PRKDC: variants seen among roughly 807,000 people sequenced by gnomAD.
PRKDC encodes the protein protein kinase, DNA-activated, catalytic subunit, also known as DNA-dependent protein kinase catalytic subunit.
In PRKDC, 82 loss-of-function variants were observed where a neutral mutation model predicts 486.9. The observed-to-expected ratio is 0.17, with a 90% confidence interval of 0.14 to 0.20. The LOEUF (loss-of-function observed/expected upper bound fraction) is 0.20. Among genes scored for constraint, PRKDC ranks in the 10% least tolerant of loss-of-function variants. The probability of loss-of-function intolerance (pLI) is 1.00; values close to 1 mark genes in which losing one functional copy is unlikely to be tolerated. For synonymous variants in PRKDC, 1,895 were observed against 1,837.0 expected (o/e 1.03, Z -0.81); for missense variants, 4,504 against 5,038.2 (o/e 0.89, Z 3.21).
At chr8:47,854,608 G>A (rs759130627) in intron 50 of PRKDC, among the ~76,000 whole-genome samples, 127 of 152,178 alleles carry the variant, frequency 8.3e-4, no homozygotes, top group Non-Finnish European at 6.2e-4. Context: ...CCAAAGAGCC[G>A]GGATTAAGGC....
Position 47,773,376 on chromosome 8 carries a change from CT to C in PRKDC, c.*796del, listed in dbSNP as rs1472226064. The C allele has an allele frequency of 4.6e-6, 1 of 216,224 alleles. No individual in the cohort carries two copies. The highest frequency in any genetic ancestry group is 2.3e-5 in the African/African-American group (1 of 44,330). The allele number at this position is 216,224 out of a possible 1,614,324, so 13.4% of individuals were successfully genotyped here. A position where few individuals can be genotyped will look rare whatever the true frequency, so the allele number is the denominator to read the frequency against. On this transcript the variant is annotated 3_prime_UTR_variant, in exon 86 of 86. Coordinates refer to ENST00000314191, the MANE Select transcript of PRKDC (RefSeq NM_006904.7). Reference sequence around the variant, plus strand: ...AGGAATTCATTTCAAATAGGAATTTCTTTTATTCTCCTGGAACTGAAATGCT... The same window carrying C: ...AGGAATTCATTTCAAATAGGAATTTCTTTATTCTCCTGGAACTGAAATGCT...
chr8:47,880,385 T>C (rs1377798483), intron 38 of PRKDC, among the ~76,000 whole-genome samples: 1 of 152,200 alleles, frequency 6.6e-6, no homozygotes, highest in Non-Finnish European at 1.5e-5. Context: ...TAACAAGAAC[T>C]AGGAGTTGAC....
chr8:47,857,897 G>C (rs1200550605), intron 48 of PRKDC, among the ~76,000 whole-genome samples: 1 of 152,116 alleles, frequency 6.6e-6, no homozygotes, highest in Non-Finnish European at 1.5e-5. Context: ...GGTGCTCAAT[G>C]AATGAGCCCA....
rs1216678119 is a variant in PRKDC at position 47,922,016 on chromosome 8, C to A, written c.2420-3633G>T. On this transcript the variant is annotated intron_variant, in intron 21 of 85. Coordinates refer to ENST00000314191, the MANE Select transcript of PRKDC (RefSeq NM_006904.7). ...GGTTGGTCTCGAACTCATGACTTCA[C>A]GTGATCTGCCTACCTCGGCCTCCCT... Among the ~76,000 whole-genome samples, 4 of 152,142 alleles carry A rather than the reference C, an allele frequency of 2.6e-5. 1 individual carries two copies. The East Asian group carries it at 7.7e-4, about 29-fold the overall frequency.
Position 47,774,045 on chromosome 8 carries a change from G to T in PRKDC, c.*128C>A. ...TAATCTTGATTTAAACTCATGCTAC[G>T]AAACTGTAGCACAAAAGACATTTCT... On this transcript the variant is annotated 3_prime_UTR_variant, in exon 86 of 86. Coordinates refer to ENST00000314191, the MANE Select transcript of PRKDC (RefSeq NM_006904.7). 1.1e-6 allele frequency: 1 copy of T among 940,960 alleles called. No homozygotes were observed. The highest frequency in any genetic ancestry group is 1.5e-6 in the Non-Finnish European group (1 of 649,424). 58.3% of individuals were successfully genotyped at this position (940,960 alleles called of 1,614,324 possible).
At chr8:47,791,367 C>T (rs1380694718) in intron 74 of PRKDC, among the ~76,000 whole-genome samples, 1 of 152,048 alleles carries the variant, frequency 6.6e-6, no homozygotes, top group African/African-American at 2.4e-5. Context: ...CCCAGCTACT[C>T]AGGAGGCTGA....
At chr8:47,781,585 A>C (rs1047955078) in intron 80 of PRKDC, among the ~76,000 whole-genome samples, 2 of 152,256 alleles carry the variant, frequency 1.3e-5, no homozygotes, top group African/African-American at 4.8e-5. Context: ...TTACAAAAAC[A>C]AAAAGGAAAT....
At chr8:47,791,199 G>T (rs190477612) in intron 74 of PRKDC, among the ~76,000 whole-genome samples, 18 of 152,150 alleles carry the variant, frequency 1.2e-4, no homozygotes, top group Non-Finnish European at 2.4e-4. Flanking sequence ...AAATATGGCC[G>T]GGCGCAGTGG....
chr8:47,885,896 A>C (rs539577936), intron 36 of PRKDC, 48 bp downstream of exon 36: 415 of 1,570,778 alleles, frequency 2.6e-4, no homozygotes, highest in Middle Eastern at 2.6e-3. Flanking sequence ...TGTCTCAAAC[A>C]AACAAACAAA....
Position 47,920,333 on chromosome 8 carries a change from C to T in PRKDC, c.2420-1950G>A, listed in dbSNP as rs193295142. Among the ~76,000 whole-genome samples the T allele has an allele frequency of 2.6e-3, 395 of 152,252 alleles. 3 individuals carry two copies. The highest frequency in any genetic ancestry group is 4.9e-3 in the Admixed American group (75 of 15,294). ...ATCTCCTGGTTTTTGGCTCAAATTG[C>T]AGAACTGAAACTATTTACTAAGCTC... On this transcript the variant is annotated intron_variant, in intron 21 of 85. Coordinates refer to ENST00000314191, the MANE Select transcript of PRKDC (RefSeq NM_006904.7).
chr8:47,943,774 CA>C lies in PRKDC; in HGVS notation c.808+78del, dbSNP rs530545471. 3.1e-4 allele frequency: 395 copies of C among 1,266,456 alleles called. No individual in the cohort carries two copies. The African/African-American group carries it at 5.4e-3, about 17-fold the overall frequency. 78.5% of individuals were successfully genotyped at this position (1,266,456 alleles called of 1,614,324 possible). ...AGATGTTATCACATTTGCTTTCATT[CA>C]AAGTTTAAGCAAAAGCTTACTTGAG... is the stretch of plus-strand genomic sequence containing the variant. On this transcript the variant is annotated intron_variant, in intron 9 of 85. Coordinates refer to ENST00000314191, the MANE Select transcript of PRKDC (RefSeq NM_006904.7).
In PRKDC at chr8:47,929,904, G is replaced by A. The variant is rs763151035; in HGVS notation, c.2001C>T (p.Tyr667=). 44 of 1,606,660 alleles carry A rather than the reference G, an allele frequency of 2.7e-5. No individual in the cohort carries two copies. Among genetic ancestry groups the A allele is most frequent in the Non-Finnish European group, 3.1e-5 (37 of 1,178,126 alleles). The stretch of plus-strand genomic sequence containing the variant: ...TTCTTACTGTAATAGAAAGCAATTT[G>A]TAGAAACCACTGATGAGGGGCAACC... ...STRLPLISGF[Y]KLLSITVRNA... The change falls in exon 18 of 86, where the codon TAC becomes TAT. Residue 667 remains tyrosine, a synonymous_variant. Coordinates refer to ENST00000314191, the MANE Select transcript of PRKDC (RefSeq NM_006904.7).
chr8:47,938,458 G>A (rs1358944806), intron 11 of PRKDC, among the ~76,000 whole-genome samples: 2 of 151,634 alleles, frequency 1.3e-5, no homozygotes, highest in Non-Finnish European at 2.9e-5. Flanking sequence ...AAGAAAAAAA[G>A]GGAGAGATTG....
intron 54 of PRKDC, among the ~76,000 whole-genome samples, chr8:47,847,861 A>C (rs960326482): frequency 1.4e-4 from 21 of 146,214 alleles, no homozygotes; most frequent in South Asian, 2.2e-4. Flanking sequence ...AAAAGACATA[A>C]AAGCGGCCAA....
chr8:47,838,329 T>A (rs1378622828), intron 56 of PRKDC, among the ~76,000 whole-genome samples: 1 of 152,216 alleles, frequency 6.6e-6, no homozygotes, highest in African/African-American at 2.4e-5. Flanking sequence ...TGGCTTCTTA[T>A]ATTGAGGCTG....
intron 85 of PRKDC, 78 bp downstream of exon 85, chr8:47,776,766 T>C: frequency 1.3e-6 from 2 of 1,536,000 alleles, no homozygotes; most frequent in Non-Finnish European, 1.8e-6. Flanking sequence ...AGCTCAGCAC[T>C]TTGTATATAT....
At chr8:47,818,133 G>T (rs1438013656) in intron 67 of PRKDC, among the ~76,000 whole-genome samples, 1 of 152,072 alleles carries the variant, frequency 6.6e-6, no homozygotes, top group East Asian at 1.9e-4. Context: ...TTTCTGTTGG[G>T]GGAAAACAGC....
chr8:47,881,659 T>C (rs1031183282), intron 37 of PRKDC, 139 bp from the exon 38 acceptor site: 1 of 618,074 alleles, frequency 1.6e-6, no homozygotes, highest in Non-Finnish European at 2.7e-6. Flanking sequence ...ACAATCTTAT[T>C]GTAAAACATT....
At chr8:47,934,295 T>C (rs1334847357) in intron 14 of PRKDC, among the ~76,000 whole-genome samples, 1 of 152,242 alleles carries the variant, frequency 6.6e-6, no homozygotes, top group South Asian at 2.1e-4. Flanking sequence ...CCCAGCACTC[T>C]GGGAGGCCAA....
Sources: allele counts gnomAD v4.1 joint callset (sites outside exome capture counted in the v4.1 genomes callset), GRCh38; gene constraint gnomAD v4.1.1; transcripts MANE v1.5; gene names NCBI Gene and HGNC (gene_info 2026-07-23, HGNC 2026-07-21).